The following ANKS1B variants were observed in gnomAD, a reference collection of about 807,000 sequenced individuals.
ANKS1B encodes the protein ankyrin repeat and sterile alpha motif domain-containing protein 1B.
ANKS1B carries 36 observed loss-of-function variants against 148.3 expected under a neutral mutation model. That is an observed-to-expected ratio of 0.24 (90% CI 0.19 to 0.32). ANKS1B has a LOEUF of 0.32. Ranked by LOEUF, ANKS1B falls within the 10% of genes least tolerant of loss-of-function variation. ANKS1B has a pLI of 1.00. For missense variants in ANKS1B, 1,157 were observed against 1,542.6 expected, an observed-to-expected ratio of 0.75 and a Z score of 4.19; for synonymous variants, 542 against 560.8, an observed-to-expected ratio of 0.97 and a Z score of 0.47.
intron 9 of ANKS1B, among the ~76,000 whole-genome samples, chr12:99,651,259 A>G (rs1298929661): frequency 2.0e-5 from 3 of 152,218 alleles, no homozygotes; most frequent in Admixed American, 6.5e-5. Context: ...AACATTTCAC[A>G]GGTTAGATGT....
intron 1 of ANKS1B, among the ~76,000 whole-genome samples, chr12:99,953,962 G>A (rs2095272600): frequency 6.6e-6 from 1 of 152,144 alleles, no homozygotes; most frequent in South Asian, 2.1e-4. Flanking sequence ...TGTAATAGGG[G>A]GTTTGTGGGG....
chr12:98,998,987 C>T (rs1223191197), intron 17 of ANKS1B, among the ~76,000 whole-genome samples: 1 of 152,176 alleles, frequency 6.6e-6, no homozygotes, highest in Non-Finnish European at 1.5e-5. Context: ...TGGTTATAAT[C>T]TCTTTGTGGG....
intron 9 of ANKS1B, among the ~76,000 whole-genome samples, chr12:99,631,009 AG>A (rs879193789): frequency 6.6e-6 from 1 of 152,136 alleles, no homozygotes; most frequent in Non-Finnish European, 1.5e-5. Context: ...GGCTTTATAA[AG>A]GGGAGTTCTC....
intron 17 of ANKS1B, among the ~76,000 whole-genome samples, chr12:99,050,817 G>C (rs1165381758): frequency 6.8e-6 from 1 of 146,354 alleles, no homozygotes; most frequent in South Asian, 2.2e-4. Flanking sequence ...TCAGCCTCCC[G>C]AGTAGCTGGG....
intron 9 of ANKS1B, among the ~76,000 whole-genome samples, chr12:99,541,695 A>C (rs1473529129): frequency 6.6e-6 from 1 of 152,048 alleles, no homozygotes; most frequent in East Asian, 1.9e-4. Context: ...TCTCTACTAA[A>C]AATACAAAAA....
At chr12:99,086,734 A>T (rs148572224) in intron 15 of ANKS1B, among the ~76,000 whole-genome samples, 3 of 152,220 alleles carry the variant, frequency 2.0e-5, no homozygotes, top group Admixed American at 2.0e-4. Context: ...CACGGTTTGT[A>T]AGACAGAGTT....
intron 17 of ANKS1B, among the ~76,000 whole-genome samples, chr12:99,007,452 C>G (rs1289859526): frequency 6.6e-6 from 1 of 152,158 alleles, no homozygotes; most frequent in Non-Finnish European, 1.5e-5. Flanking sequence ...GAGGAACAAG[C>G]TAGAGACATA....
Position 98,735,568 on chromosome 12 carries a change from T to A in ANKS1B, c.757A>T (p.Lys253Ter), listed in dbSNP as rs759745837. The A allele has an allele frequency of 1.3e-6, 1 of 770,270 alleles. No homozygotes were observed. Among genetic ancestry groups the A allele is most frequent in the South Asian group, 1.4e-5 (1 of 73,524 alleles). The allele number at this position is 770,270 out of a possible 1,614,324, so 47.7% of individuals were successfully genotyped here. ...ATGTAAATTCAATTCTATCAAAATTTTCTGAGTGCCTCCTCAGTGTGTCTC... is the reference window on the plus strand; with the variant it reads ...ATGTAAATTCAATTCTATCAAAATTATCTGAGTGCCTCCTCAGTGTGTCTC... The change falls in exon 10 of 10, where the codon AAA (lysine) becomes TAA (stop). Residue 253 changes from lysine (K) to a stop codon, truncating the protein, a stop_gained. Coordinates refer to the ANKS1B transcript ENST00000341752. LOFTEE classifies it high-confidence loss of function.
chr12:99,171,383 C>T (rs2077738276), intron 14 of ANKS1B, among the ~76,000 whole-genome samples: 2 of 152,086 alleles, frequency 1.3e-5, no homozygotes, highest in Admixed American at 1.3e-4. Context: ...GCAGAGGTAG[C>T]AGACAACAGA....
chr12:98,744,319 A>G lies in ANKS1B; in HGVS notation c.*1420T>C. Reference sequence around the variant, plus strand: ...AAAATGTAGTTATTCTTCAAAACTCACCAACTGATGAATGTAACTGATCAT... The same window carrying G: ...AAAATGTAGTTATTCTTCAAAACTCGCCAACTGATGAATGTAACTGATCAT... On this transcript the variant is annotated 3_prime_UTR_variant, in exon 27 of 27. Transcript: ENST00000683438. 1.1e-6 allele frequency: 1 copy of G among 925,418 alleles called. No individual in the cohort carries two copies. Among genetic ancestry groups the G allele is most frequent in the Non-Finnish European group, 1.3e-6 (1 of 774,930 alleles). 57.3% of individuals were successfully genotyped at this position (925,418 alleles called of 1,614,324 possible).
At chr12:99,634,899 T>C (rs2098217396) in intron 9 of ANKS1B, among the ~76,000 whole-genome samples, 2 of 152,116 alleles carry the variant, frequency 1.3e-5, no homozygotes, top group South Asian at 4.1e-4. Flanking sequence ...CCAGAATATA[T>C]AAGAAACTCC....
At chr12:99,730,264 C>CTG (rs2059006746) in intron 8 of ANKS1B, among the ~76,000 whole-genome samples, 1 of 152,190 alleles carries the variant, frequency 6.6e-6, no homozygotes, top group African/African-American at 2.4e-5. Flanking sequence ...CTCCCACAAG[C>CTG]TGTCTCTTTC....
At position 99,443,761 on chromosome 12, in the gene ANKS1B, C is replaced by G. The variant is rs2095588288; in HGVS notation, c.1487G>C (p.Arg496Thr). The change falls in exon 11 of 27, where the codon AGA becomes ACA. Residue 496 changes from arginine to threonine, a missense_variant. This residue lies in a region of ANKS1B where 661 missense variants were observed against 642.1 expected (regional missense o/e 1.03). Transcript: ENST00000683438. ...AVTTPGTSNH[R>T]NSSTGPTPDC... is the part of the protein sequence containing the mutation. ...AGGTGTTGGGCCTGTTGAGCTGTTT[C>G]TATGGTTACTAGTTCCTGGAGTAGT... 2 of 1,611,924 alleles carry G rather than the reference C, an allele frequency of 1.2e-6. No individual in the cohort carries two copies. The highest frequency in any genetic ancestry group is 3.3e-5 in the Admixed American group (2 of 59,772).
At chr12:99,010,988 C>T (rs1422069348) in intron 17 of ANKS1B, among the ~76,000 whole-genome samples, 1 of 151,130 alleles carries the variant, frequency 6.6e-6, no homozygotes, top group Non-Finnish European at 1.5e-5. Context: ...AGTGATCCAC[C>T]CACCTCGGCC....
At chr12:99,789,315 TC>T (rs1033011185) in intron 4 of ANKS1B, among the ~76,000 whole-genome samples, 17 of 152,018 alleles carry the variant, frequency 1.1e-4, no homozygotes, top group African/African-American at 3.6e-4. Flanking sequence ...GGGGCCCAAG[TC>T]CCTTCAAATG....
chr12:98,970,327 A>G (rs17028933), intron 17 of ANKS1B, among the ~76,000 whole-genome samples: 27,581 of 152,032 alleles, frequency 0.18, 2,684 homozygotes, highest in African/African-American at 0.23. Flanking sequence ...AATGCTGTTA[A>G]ATTTGCTACC....
rs80085381 is a variant in ANKS1B at position 99,203,238 on chromosome 12, T to G, written c.2419+41104A>C. ...TGAGCTCCTTACCAAGGGGCCATGA[T>G]CAGAGTCCTACCTCTTTTGCGTTGC... On this transcript the variant is annotated intron_variant, in intron 14 of 26. Transcript: ENST00000683438. Among the ~76,000 whole-genome samples, 631 of 152,272 alleles carry G rather than the reference T, an allele frequency of 4.1e-3. 25 individuals carry two copies. The East Asian group carries it at 0.085, about 20-fold the overall frequency.
intron 1 of ANKS1B, among the ~76,000 whole-genome samples, chr12:99,973,030 C>A (rs1447313610): frequency 6.6e-6 from 1 of 152,126 alleles, no homozygotes; most frequent in Non-Finnish European, 1.5e-5. Context: ...ATATTTTAAG[C>A]CCAATGTTGA....
At chr12:98,782,057 C>A in intron 23 of ANKS1B, 69 bp downstream of exon 23, 1 of 1,281,286 alleles carries the variant, frequency 7.8e-7, no homozygotes, top group South Asian at 1.3e-5. Flanking sequence ...CAGTCACCAG[C>A]AGTCAGTTTA....
Sources: allele counts gnomAD v4.1 joint callset (sites outside exome capture counted in the v4.1 genomes callset), GRCh38; gene constraint gnomAD v4.1.1; regional missense constraint gnomAD v4.1.1; transcripts MANE v1.5; gene names NCBI Gene and HGNC (gene_info 2026-07-23, HGNC 2026-07-21).